Variants in LRRC27 observed in about 807,000 individuals in gnomAD.
LRRC27 encodes the protein leucine rich repeat containing 27, also known as leucine-rich repeat-containing protein 27.
Under a neutral mutation model 55.0 loss-of-function variants are expected in LRRC27, and 57 were observed. The observed-to-expected ratio is 1.04, with a 90% CI of 0.84 to 1.29. LRRC27 has a LOEUF of 1.29. LRRC27 is among the 50% of genes most tolerant of loss of function. The pLI is 0.00. For missense variants in LRRC27, 721 were observed against 651.5 expected, an observed-to-expected ratio of 1.11 and a Z score of -1.16; for synonymous variants, 278 against 251.9, an observed-to-expected ratio of 1.10 and a Z score of -0.98.
At chr10:132,364,843 C>CTTACACCCACCCTTACATCTA (rs1564855237) in intron 9 of LRRC27, among the ~76,000 whole-genome samples, 2 of 115,518 alleles carry the variant, frequency 1.7e-5, no homozygotes, top group African/African-American at 2.9e-5. Flanking sequence ...CACGCCCACA[C>CTTACACCCACCCTTACATCTA]CCTGGGGCCC....
In LRRC27 at chr10:132,351,389, G is replaced by A. The variant is rs572764161; in HGVS notation, c.927-218G>A. 69 of 551,524 alleles carry A rather than the reference G, an allele frequency of 1.3e-4. No individual in the cohort carries two copies. In the Admixed American group the frequency reaches 1.3e-3, roughly 10 times the overall value. 34.2% of individuals were successfully genotyped at this position (551,524 alleles called of 1,614,324 possible). On this transcript the variant is annotated intron_variant, in intron 6 of 10. Coordinates refer to ENST00000368614, the MANE Select transcript of LRRC27 (RefSeq NM_030626.3). ...GGAAAGTAGCTGGCTGGCAGTGGGCGCGTTGGGACAGTGTCCTGCTGCCAT... is the reference window on the plus strand; with the variant it reads ...GGAAAGTAGCTGGCTGGCAGTGGGCACGTTGGGACAGTGTCCTGCTGCCAT...
At position 132,379,630 on chromosome 10, in the gene LRRC27, G is replaced by A. The variant is rs1163632291; in HGVS notation, c.*4388G>A. 6.6e-6 allele frequency: 1 copy of A among 151,898 alleles called. No homozygotes were observed. Among genetic ancestry groups the A allele is most frequent in the African/African-American group, 2.4e-5 (1 of 41,316 alleles). The allele number at this position is 151,898 out of a possible 1,614,324, so 9.4% of individuals were successfully genotyped here. A position where few individuals can be genotyped will look rare whatever the true frequency, so the allele number is the denominator to read the frequency against. ...AAATTTCAGATGTTGTGTTTTTCAG[G>A]TCTAAGGTGTCTGGTAATTTTTTGT... On this transcript the variant is annotated 3_prime_UTR_variant, in exon 11 of 11. Coordinates refer to ENST00000368614, the MANE Select transcript of LRRC27 (RefSeq NM_030626.3).
chr10:132,338,176 CGTG>C (rs1301628617), intron 3 of LRRC27, among the ~76,000 whole-genome samples: 1 of 152,036 alleles, frequency 6.6e-6, no homozygotes, highest in Non-Finnish European at 1.5e-5. Context: ...ATTTGCCAGG[CGTG>C]GTGGTGGGTG....
rs2069333836 is a variant in LRRC27 at position 132,376,036 on chromosome 10, G to A, written c.*794G>A. 1 of 152,136 alleles carries A rather than the reference G, an allele frequency of 6.6e-6. No individual in the cohort carries two copies. Among genetic ancestry groups the A allele is most frequent in the Admixed American group, 6.5e-5 (1 of 15,282 alleles). 9.4% of individuals were successfully genotyped at this position (152,136 alleles called of 1,614,324 possible). On this transcript the variant is annotated 3_prime_UTR_variant, in exon 11 of 11. Coordinates refer to ENST00000368614, the MANE Select transcript of LRRC27 (RefSeq NM_030626.3). Reference sequence around the variant, plus strand: ...ACAGAGGTGAGACTATTCAGACTTTGTTTATTTTTGTGTTAATTTTGGTAA... The same window carrying A: ...ACAGAGGTGAGACTATTCAGACTTTATTTATTTTTGTGTTAATTTTGGTAA...
In LRRC27 at chr10:132,364,409, A is replaced by ACACCCACACTTACACC. The variant is rs1554900420; in HGVS notation, c.1290-1010_1290-1009insACACTTACACCCACCC. Among the ~76,000 whole-genome samples the ACACCCACACTTACACC allele has an allele frequency of 2.4e-3, 41 of 16,804 alleles. 5 individuals are homozygous for ACACCCACACTTACACC. Among genetic ancestry groups the ACACCCACACTTACACC allele is most frequent in the African/African-American group, 4.5e-3 (39 of 8,660 alleles). The allele number at this position is 16,804 out of a possible 152,430, so 11.0% of individuals were successfully genotyped here. ...TACACCCACCCTTACATCTACCTCC[A>ACACCCACACTTACACC]CACCCGCGCTTACACCCACGCTTAC... On this transcript the variant is annotated intron_variant, in intron 9 of 10. Transcript: ENST00000368614.
intron 9 of LRRC27, among the ~76,000 whole-genome samples, chr10:132,363,929 C>T (rs531186454): frequency 1.8e-4 from 27 of 152,148 alleles, no homozygotes; most frequent in African/African-American, 6.5e-4. Flanking sequence ...GTTGTATTAA[C>T]TCCCCAACCT....
chr10:132,341,043 C>A (rs1416813678), intron 3 of LRRC27, among the ~76,000 whole-genome samples: 1 of 152,190 alleles, frequency 6.6e-6, no homozygotes, highest in African/African-American at 2.4e-5. Context: ...TGCTTATAAT[C>A]CCAGCACTTT....
At position 132,374,673 on chromosome 10, in the gene LRRC27, T is replaced by C. The variant is rs1214265696; in HGVS notation, c.1417-393T>C. Among the ~76,000 whole-genome samples, 1 of 152,170 alleles carries C rather than the reference T, an allele frequency of 6.6e-6. No homozygotes were observed. Among genetic ancestry groups the C allele is most frequent in the Non-Finnish European group, 1.5e-5 (1 of 68,020 alleles). On this transcript the variant is annotated intron_variant, in intron 10 of 10. Coordinates refer to ENST00000368614, the MANE Select transcript of LRRC27 (RefSeq NM_030626.3). This position sits in a 1 kb window ranked among gnomAD's most constrained non-coding sequence, Gnocchi z 4.4. The stretch of plus-strand genomic sequence containing the variant: ...TAAGGTGTGGTCTTGGCTGTGGTGA[T>C]GCTTGCCAAGACACTGCCCGGGGTG...
Position 132,375,168 on chromosome 10 carries a change from C to A in LRRC27, c.1519C>A (p.Pro507Thr). Residue 507 changes from proline (P) to threonine (T), a missense_variant, in exon 11 of 11, where the codon CCG becomes ACG. Transcript: ENST00000368614. The stretch of plus-strand genomic sequence containing the variant: ...CACTGGAAACCTTTCGCTTGGCCTG[C>A]CGGCAGCACAGCCTCAAAATACATT... ...ALTGNLSLGL[P>T]AAQPQNTFFN... The A allele has an allele frequency of 6.2e-7, 1 of 1,614,074 alleles. No homozygotes were observed. The highest frequency in any genetic ancestry group is 8.5e-7 in the Non-Finnish European group (1 of 1,179,974).
intron 9 of LRRC27, among the ~76,000 whole-genome samples, chr10:132,364,664 CTGCACACCCACGCTTACACCCACG>C: frequency 1.5e-5 from 1 of 68,428 alleles, no homozygotes; most frequent in Non-Finnish European, 3.1e-5. Flanking sequence ...TTACATCTAC[CTGCACACCCACGCTTACACCCACG>C]TCCACACCGT....
In LRRC27 at chr10:132,364,722, G is replaced by A. The variant is rs1180604511; in HGVS notation, c.1290-702G>A. Among the ~76,000 whole-genome samples, 17 of 1,976 alleles carry A rather than the reference G, an allele frequency of 8.6e-3. 2 individuals carry two copies. The highest frequency in any genetic ancestry group is 0.021 in the Admixed American group (3 of 144). 1.3% of individuals were successfully genotyped at this position (1,976 alleles called of 152,430 possible). A position where few individuals can be genotyped will look rare whatever the true frequency, so the allele number is the denominator to read the frequency against. On this transcript the variant is annotated intron_variant, in intron 9 of 10. Transcript: ENST00000368614. ...GTGGGGCCCCACACTCATGCAGTCC[G>A]CGTCCACACTTACATCTACCTCCAC...
rs546029281 is a variant in LRRC27, at chr10:132,379,099, C to G, written c.*3857C>G. ...CTCACCTCTGTGTTCTCGGGGAGTG[C>G]GTGGTGTCAGATCCCATCCTGCTCC... is the stretch of plus-strand genomic sequence containing the variant. On this transcript the variant is annotated 3_prime_UTR_variant, in exon 11 of 11. Coordinates refer to ENST00000368614, the MANE Select transcript of LRRC27 (RefSeq NM_030626.3). 1 of 148,730 alleles carries G rather than the reference C, an allele frequency of 6.7e-6. No individual in the cohort carries two copies. The highest frequency in any genetic ancestry group is 1.5e-5 in the Non-Finnish European group (1 of 68,482). The allele number at this position is 148,730 out of a possible 1,614,324, so 9.2% of individuals were successfully genotyped here.
chr10:132,343,359 CAGTT>C (rs1287381298), intron 4 of LRRC27, among the ~76,000 whole-genome samples: 5 of 152,154 alleles, frequency 3.3e-5, no homozygotes, highest in Non-Finnish European at 5.9e-5. Flanking sequence ...AATAAAAGAA[CAGTT>C]AGGTTAAATT....
intron 8 of LRRC27, 142 bp from the exon 9 acceptor site, chr10:132,361,315 T>C: frequency 1.4e-6 from 1 of 733,582 alleles, no homozygotes; most frequent in Non-Finnish European, 2.5e-6. Context: ...ATGACTGCGT[T>C]GCACAGGGAC....
At chr10:132,371,205 G>T (rs184292540) in intron 10 of LRRC27, among the ~76,000 whole-genome samples, 1 of 152,274 alleles carries the variant, frequency 6.6e-6, no homozygotes, top group African/African-American at 2.4e-5. Context: ...AGGAGTCCTC[G>T]GTGGCATGGC....
At chr10:132,367,696 A>G (rs764137150) in intron 10 of LRRC27, among the ~76,000 whole-genome samples, 3 of 152,354 alleles carry the variant, frequency 2.0e-5, no homozygotes, top group Admixed American at 2.0e-4. Context: ...AACTAGGATA[A>G]GCTGAGAACT....
Position 132,381,144 on chromosome 10 carries a change from C to T in LRRC27, c.*5902C>T, listed in dbSNP as rs1348958476. 6.6e-6 allele frequency among the ~76,000 whole-genome samples: 1 copy of T among 152,206 alleles called. No homozygotes were observed. Among genetic ancestry groups the T allele is most frequent in the African/African-American group, 2.4e-5 (1 of 41,452 alleles). On this transcript the variant is annotated 3_prime_UTR_variant, in exon 11 of 11. Transcript: ENST00000368614. ...GAAGACCCACCACAGTGTGGGCAGG[C>T]ACCATCCAGTCGGCTGCCAGCATGG...
chr10:132,359,891 G>A (rs1035486380), intron 8 of LRRC27, among the ~76,000 whole-genome samples: 22 of 152,172 alleles, frequency 1.4e-4, no homozygotes, highest in African/African-American at 4.3e-4. Context: ...CCACCAAAGC[G>A]GCAGCCTGTT....
At chr10:132,343,904 C>T (rs766268651) in intron 4 of LRRC27, among the ~76,000 whole-genome samples, 1 of 152,250 alleles carries the variant, frequency 6.6e-6, no homozygotes, top group African/African-American at 2.4e-5. Flanking sequence ...CACTGCCCAC[C>T]ACGGGAGCCT....
Sources: allele counts gnomAD v4.1 joint callset (sites outside exome capture counted in the v4.1 genomes callset), GRCh38; gene constraint gnomAD v4.1.1; non-coding constraint Gnocchi (gnomAD v3.1); transcripts MANE v1.5; gene names NCBI Gene and HGNC (gene_info 2026-07-23, HGNC 2026-07-21).